The following SELENOI variants were observed in gnomAD, a reference collection of about 807,000 sequenced individuals.
The protein encoded by SELENOI is ethanolaminephosphotransferase 1.
SELENOI carries 24 observed loss-of-function variants against 50.7 expected under a neutral mutation model. That is an observed-to-expected ratio of 0.47 (90% CI 0.34 to 0.67). The LOEUF is 0.67. Among genes scored for constraint, SELENOI ranks in the 30% least tolerant of loss-of-function variants. The pLI is 0.01. For missense variants in SELENOI, 352 were observed against 461.4 expected, an observed-to-expected ratio of 0.76 and a Z score of 2.17; for synonymous variants, 155 against 170.2, an observed-to-expected ratio of 0.91 and a Z score of 0.70.
intron 1 of SELENOI, among the ~76,000 whole-genome samples, chr2:26,348,941 T>C (rs1457012675): frequency 6.6e-6 from 1 of 150,532 alleles, no homozygotes; most frequent in East Asian, 2.0e-4. Flanking sequence ...CAGAGAATTA[T>C]ACTGAAGGAT....
In SELENOI at chr2:26,392,269, A is replaced by T. The variant is rs1274021173; in HGVS notation, c.*3166A>T. ...ACTTTAAAGGGAAGAAGGGACTTTA[A>T]CATCCTATGAATTTGAAACATCCTA... On this transcript the variant is annotated 3_prime_UTR_variant, in exon 10 of 10. Transcript: ENST00000260585. 6.6e-6 allele frequency: 1 copy of T among 152,206 alleles called. No individual in the cohort carries two copies. Among genetic ancestry groups the T allele is most frequent in the Non-Finnish European group, 1.5e-5 (1 of 68,036 alleles). 9.4% of individuals were successfully genotyped at this position (152,206 alleles called of 1,614,324 possible).
At chr2:26,378,359 C>T (rs2163241) in intron 6 of SELENOI, among the ~76,000 whole-genome samples, 17,726 of 152,210 alleles carry the variant, frequency 0.12, 2,466 homozygotes, top group African/African-American at 0.33. Flanking sequence ...CTCTGTCTTT[C>T]AAGCACAGCA....
intron 1 of SELENOI, among the ~76,000 whole-genome samples, chr2:26,355,740 TCTCC>T (rs1005535166): frequency 2.7e-5 from 4 of 149,488 alleles, no homozygotes; most frequent in African/African-American, 9.8e-5. Context: ...TCTCTCTCTC[TCTCC>T]CTTTTTTTTT....
At chr2:26,364,615 G>A (rs920501882) in intron 2 of SELENOI, among the ~76,000 whole-genome samples, 3 of 152,130 alleles carry the variant, frequency 2.0e-5, no homozygotes, top group African/African-American at 7.2e-5. Flanking sequence ...TTAATGTTAT[G>A]ATTATAGAAG....
intron 1 of SELENOI, among the ~76,000 whole-genome samples, chr2:26,359,958 T>C (rs2147947591): frequency 6.6e-6 from 1 of 152,246 alleles, no homozygotes; most frequent in East Asian, 1.9e-4. Flanking sequence ...ACCCAGCCTG[T>C]GGTCCTCAAG....
intron 4 of SELENOI, among the ~76,000 whole-genome samples, chr2:26,371,697 A>T (rs1247434279): frequency 6.6e-6 from 1 of 152,216 alleles, no homozygotes; most frequent in Non-Finnish European, 1.5e-5. Flanking sequence ...CGTCTCCACC[A>T]AAAAAATACG....
Position 26,373,250 on chromosome 2 carries a change from A to T in SELENOI, c.311-117A>T, listed in dbSNP as rs367770822. The T allele has an allele frequency of 1.6e-4, 200 of 1,246,394 alleles. No homozygotes were observed. In the African/African-American group the frequency reaches 2.7e-3, roughly 17 times the overall value. 77.2% of individuals were successfully genotyped at this position (1,246,394 alleles called of 1,614,324 possible). On this transcript the variant is annotated intron_variant, in intron 4 of 9. Transcript: ENST00000260585. ...TTTTATAGTACCAGCTGATAGCTAT[A>T]CTTAACATTCCTGTGATAAGCTGAT...
rs139769607 is a variant in SELENOI, at chr2:26,368,723, G to A, written c.310+1503G>A. On this transcript the variant is annotated intron_variant, in intron 4 of 9. Coordinates refer to ENST00000260585, the MANE Select transcript of SELENOI (RefSeq NM_033505.4). ...CTTGTGGAGATGGAATGGGTGTAGT[G>A]AGAAAATGTATAAAACCTAATTAAT... Among the ~76,000 whole-genome samples, 973 of 152,264 alleles carry A rather than the reference G, an allele frequency of 6.4e-3. 9 individuals are homozygous for A. Among genetic ancestry groups the A allele is most frequent in the South Asian group, 0.049 (235 of 4,824 alleles).
intron 5 of SELENOI, among the ~76,000 whole-genome samples, chr2:26,374,456 T>G (rs964149712): frequency 2.0e-5 from 3 of 152,228 alleles, no homozygotes; most frequent in Non-Finnish European, 4.4e-5. Context: ...TTGGATCATC[T>G]TACAACTTAA....
At position 26,389,088 on chromosome 2, in the gene SELENOI, G is replaced by C; in HGVS notation, c.1179G>C (p.Lys393Asn). ...CAGATTGACTAGGAATGGAAGAAAAGAATATTGGCCTGTAATAATCTTTCT... is the reference window on the plus strand; with the variant it reads ...CAGATTGACTAGGAATGGAAGAAAACAATATTGGCCTGTAATAATCTTTCT... ...PNSDULGMEE[K>N]NIGL Residue 393 changes from lysine to asparagine, a missense_variant, in exon 10 of 10, where the codon AAG (lysine) becomes AAC (asparagine). Physicochemically the swap from Lys to Asn is moderately conservative, Grantham distance 94. Coordinates refer to ENST00000260585, the MANE Select transcript of SELENOI (RefSeq NM_033505.4). The C allele has an allele frequency of 6.3e-7, 1 of 1,575,696 alleles. No individual in the cohort carries two copies. The highest frequency in any genetic ancestry group is 1.8e-5 in the Admixed American group (1 of 54,476).
chr2:26,358,417 C>G (rs932073350), intron 1 of SELENOI, among the ~76,000 whole-genome samples: 6 of 152,026 alleles, frequency 3.9e-5, no homozygotes, highest in African/African-American at 1.4e-4. Flanking sequence ...CAAAAAAAAC[C>G]TTTTATAGCC....
In SELENOI at chr2:26,364,826, A is replaced by C; in HGVS notation, c.127-6A>C. The C allele has an allele frequency of 1.9e-6, 3 of 1,599,060 alleles. No homozygotes were observed. Among genetic ancestry groups the C allele is most frequent in the Non-Finnish European group, 2.6e-6 (3 of 1,173,430 alleles). On this transcript the variant is annotated splice_polypyrimidine_tract_variant and splice_region_variant and intron_variant, in intron 2 of 9. Coordinates refer to ENST00000260585, the MANE Select transcript of SELENOI (RefSeq NM_033505.4). ...TAATTATTTTATAATTATTTTGCAA[A>C]AATAGGTATTTCCTACTTGGCTGGC...
intron 4 of SELENOI, among the ~76,000 whole-genome samples, chr2:26,370,959 C>T (rs1415935327): frequency 7.8e-6 from 1 of 128,730 alleles, no homozygotes; most frequent in Non-Finnish European, 1.7e-5. Flanking sequence ...CCGGATGGGG[C>T]GGCTGGCCGG....
At chr2:26,370,824 C>T (rs1317529043) in intron 4 of SELENOI, among the ~76,000 whole-genome samples, 138 of 122,544 alleles carry the variant, frequency 1.1e-3, no homozygotes, top group African/African-American at 4.3e-3. Flanking sequence ...GCTGGCCGGG[C>T]GGGGGGCTGA....
intron 4 of SELENOI, among the ~76,000 whole-genome samples, chr2:26,369,015 G>A (rs993038656): frequency 2.0e-5 from 3 of 152,172 alleles, no homozygotes; most frequent in Admixed American, 6.5e-5. Flanking sequence ...AAGATTAACC[G>A]TAATTATAGG....
At chr2:26,365,772 T>C (rs998753782) in intron 3 of SELENOI, among the ~76,000 whole-genome samples, 1 of 149,668 alleles carries the variant, frequency 6.7e-6, no homozygotes, top group African/African-American at 2.5e-5. Flanking sequence ...AGTAGAAAAA[T>C]TTGGAGTTTC....
At chr2:26,375,874 A>G (rs1677556885) in intron 6 of SELENOI, among the ~76,000 whole-genome samples, 3 of 152,158 alleles carry the variant, frequency 2.0e-5, no homozygotes, top group African/African-American at 7.2e-5. Context: ...TGGGAGGCCA[A>G]AGTGGGAGAA....
chr2:26,373,506 T>C lies in SELENOI; in HGVS notation c.450T>C (p.Gly150=), dbSNP rs1485749184. The change falls in exon 5 of 10, where the codon GGT becomes GGC. Residue 150 remains glycine, a synonymous_variant. Coordinates refer to ENST00000260585, the MANE Select transcript of SELENOI (RefSeq NM_033505.4). ...VYSIFGRGST[G]VSVFVLYLLL... ...CCATCTTTGGAAGAGGATCAACTGG[T>C]GTCAGTGTTTTTGTTCTTTATCTCC... is the stretch of plus-strand genomic sequence containing the variant. 6 of 1,613,900 alleles carry C rather than the reference T, an allele frequency of 3.7e-6. No homozygotes were observed. The highest frequency in any genetic ancestry group is 5.1e-6 in the Non-Finnish European group (6 of 1,179,882).
chr2:26,351,128 G>A (rs1033903540), intron 1 of SELENOI, among the ~76,000 whole-genome samples: 2 of 145,538 alleles, frequency 1.4e-5, no homozygotes, highest in African/African-American at 2.6e-5. Flanking sequence ...GTACAATCTC[G>A]GCTCACTGCC....
Sources: gnomAD v4.1 joint callset for allele counts (sites outside exome capture counted in the v4.1 genomes callset) on GRCh38, gnomAD v4.1.1 for gene constraint, MANE v1.5 for transcripts, NCBI Gene and HGNC (gene_info 2026-07-23, HGNC 2026-07-21) for gene names.